MTA3: variants seen among roughly 807,000 people sequenced by gnomAD.
MTA3 encodes metastasis associated 1 family member 3.
MTA3 carries 34 observed loss-of-function variants against 83.5 expected under a neutral mutation model. The ratio of observed to expected loss-of-function variants is 0.41; its 90% CI spans 0.31 to 0.54. The LOEUF is 0.54. Among genes scored for constraint, MTA3 ranks in the 20% least tolerant of loss-of-function variants. The probability of loss-of-function intolerance (pLI) is 0.33; values close to 1 mark genes in which losing one functional copy is unlikely to be tolerated. For synonymous variants in MTA3, 303 were observed against 252.7 expected (o/e 1.20, Z -1.89); for missense variants, 761 against 726.4 (o/e 1.05, Z -0.55).
chr2:42,649,073 C>T (rs1417571870), intron 6 of MTA3, among the ~76,000 whole-genome samples: 5 of 152,146 alleles, frequency 3.3e-5, no homozygotes, highest in Non-Finnish European at 7.3e-5. Context: ...ACAGTCTTCT[C>T]CCCCTGGCCT....
In MTA3 at chr2:42,610,106, C is replaced by A. The variant is rs552435315; in HGVS notation, c.317+522C>A. Among the ~76,000 whole-genome samples the A allele has an allele frequency of 3.6e-3, 551 of 151,848 alleles. 6 individuals carry two copies. Among genetic ancestry groups the A allele is most frequent in the African/African-American group, 0.013 (524 of 41,442 alleles). ...CAGAGTGACACTCTGTCTTTAAAAA[C>A]AAACGAAAAAAAACAATAAGACAAT... On this transcript the variant is annotated intron_variant, in intron 4 of 16. Coordinates refer to ENST00000405094, the MANE Select transcript of MTA3 (RefSeq NM_001330442.2).
chr2:42,594,721 TA>T (rs1456559328), intron 3 of MTA3, among the ~76,000 whole-genome samples: 62 of 36,566 alleles, frequency 1.7e-3, no homozygotes, highest in African/African-American at 7.6e-3. Context: ...TATATATATA[TA>T]TATATATTTT....
At chr2:42,583,034 G>A (rs756316298) in intron 3 of MTA3, among the ~76,000 whole-genome samples, 18 of 152,010 alleles carry the variant, frequency 1.2e-4, no homozygotes, top group Non-Finnish European at 2.4e-4. Context: ...AGAGAGTAGA[G>A]AAATTACTTC....
At chr2:42,665,034 T>C (rs376910006) in intron 8 of MTA3, among the ~76,000 whole-genome samples, 8 of 152,328 alleles carry the variant, frequency 5.3e-5, no homozygotes, top group African/African-American at 9.6e-5. Flanking sequence ...TTAAAAAACA[T>C]TGAAGCCATG....
chr2:42,667,621 A>AAG (rs70963342), intron 8 of MTA3, among the ~76,000 whole-genome samples: 3,701 of 114,092 alleles, frequency 0.032, 52 homozygotes, highest in East Asian at 0.052. Flanking sequence ...TAGAGAGAGA[A>AAG]AGAGAGAGAG....
chr2:42,727,776 C>T (rs1276289771), intron 16 of MTA3, among the ~76,000 whole-genome samples: 6 of 151,884 alleles, frequency 4.0e-5, no homozygotes, highest in African/African-American at 9.7e-5. Flanking sequence ...ATTGATCTTA[C>T]GATTGAAAAT....
At chr2:42,707,815 A>G in intron 12 of MTA3, 88 bp from the exon 13 acceptor site, 2 of 1,301,410 alleles carry the variant, frequency 1.5e-6, no homozygotes, top group Non-Finnish European at 2.1e-6. Flanking sequence ...TAAGCATGAC[A>G]AGTATTTTTA....
chr2:42,531,895 TAC>T (rs1675995359), intron 2 of MTA3, among the ~76,000 whole-genome samples: 1 of 152,180 alleles, frequency 6.6e-6, no homozygotes, highest in African/African-American at 2.4e-5. Context: ...TAGCTGGGAC[TAC>T]AGGTGCCTGC....
chr2:42,588,849 A>T (rs1186893978), intron 3 of MTA3, among the ~76,000 whole-genome samples: 1 of 152,174 alleles, frequency 6.6e-6, no homozygotes, highest in Admixed American at 6.6e-5. Flanking sequence ...AGGTTTATAT[A>T]CATATAAAGA....
intron 16 of MTA3, among the ~76,000 whole-genome samples, chr2:42,747,677 A>T (rs974676477): frequency 6.6e-6 from 1 of 151,874 alleles, no homozygotes; most frequent in Non-Finnish European, 1.5e-5. Flanking sequence ...GCCTCAGAAA[A>T]CAGAATCTCT....
chr2:42,626,169 T>A lies in MTA3; in HGVS notation c.318-14004T>A, dbSNP rs190053597. ...AGTGTTAGCCAGGATGGTCTCGATC[T>A]CCTGACCTCGTGATCTGCCCGCCTC... On this transcript the variant is annotated intron_variant, in intron 4 of 16. Transcript: ENST00000405094. Among the ~76,000 whole-genome samples, 1,168 of 151,582 alleles carry A rather than the reference T, an allele frequency of 7.7e-3. 46 individuals are homozygous for A. The highest frequency in any genetic ancestry group is 0.027 in the African/African-American group (1,104 of 40,984).
chr2:42,512,021 A>T (rs13418059), intron 2 of MTA3, among the ~76,000 whole-genome samples: 20,654 of 151,726 alleles, frequency 0.14, 1,457 homozygotes, highest in African/African-American at 0.15. Context: ...CATCTCAAAA[A>T]AAATAAATAA....
chr2:42,575,263 C>T (rs1278967835), intron 2 of MTA3, among the ~76,000 whole-genome samples: 1 of 152,156 alleles, frequency 6.6e-6, no homozygotes, highest in East Asian at 1.9e-4. Flanking sequence ...TTTATCACCT[C>T]CAAATATACT....
At chr2:42,517,871 A>AAAAG (rs1156851867) in intron 2 of MTA3, among the ~76,000 whole-genome samples, 2 of 150,736 alleles carry the variant, frequency 1.3e-5, no homozygotes, top group Admixed American at 6.6e-5. Flanking sequence ...TCTCAAAAAA[A>AAAAG]AAAAAAAAAA....
intron 16 of MTA3, among the ~76,000 whole-genome samples, chr2:42,741,781 A>G (rs1258521648): frequency 6.6e-6 from 1 of 152,204 alleles, no homozygotes. Flanking sequence ...TTACAATAGT[A>G]ACATCAAAGA....
chr2:42,560,540 A>C (rs1677618237), intron 2 of MTA3, among the ~76,000 whole-genome samples: 1 of 151,312 alleles, frequency 6.6e-6, no homozygotes, highest in African/African-American at 2.4e-5. Context: ...CAACAGAGTG[A>C]GACTCCATCT....
At chr2:42,509,317 A>G (rs1317105210) in intron 2 of MTA3, among the ~76,000 whole-genome samples, 1 of 152,088 alleles carries the variant, frequency 6.6e-6, no homozygotes, top group African/African-American at 2.4e-5. Flanking sequence ...TGCCGGGATT[A>G]CAGGTTAGAG....
Position 42,594,728 on chromosome 2 carries a change from A to ATT in MTA3, c.191-14715_191-14714dup, listed in dbSNP as rs1211133796. ...TACATATATATATATATATATATATATTTTTTTTTTTTTTTTGAGACAGAG... is the reference window on the plus strand; with the variant it reads ...TACATATATATATATATATATATATATTTTTTTTTTTTTTTTTTGAGACAGAG... On this transcript the variant is annotated intron_variant, in intron 3 of 16. Transcript: ENST00000405094. Among the ~76,000 whole-genome samples the ATT allele has an allele frequency of 2.1e-3, 51 of 24,032 alleles. 2 individuals carry two copies. Among genetic ancestry groups the ATT allele is most frequent in the African/African-American group, 6.0e-3 (27 of 4,464 alleles). The allele number at this position is 24,032 out of a possible 152,430, so 15.8% of individuals were successfully genotyped here. A position where few individuals can be genotyped will look rare whatever the true frequency, so the allele number is the denominator to read the frequency against.
chr2:42,587,560 T>C (rs1207488153), intron 3 of MTA3, among the ~76,000 whole-genome samples: 1 of 151,922 alleles, frequency 6.6e-6, no homozygotes, highest in Non-Finnish European at 1.5e-5. Flanking sequence ...ATGTTTTCTG[T>C]TTTTTTCTCT....
Sources: allele counts gnomAD v4.1 joint callset (sites outside exome capture counted in the v4.1 genomes callset), GRCh38; gene constraint gnomAD v4.1.1; transcripts MANE v1.5; gene names NCBI Gene and HGNC (gene_info 2026-07-23, HGNC 2026-07-21).